The following CAPN10 variants were observed in gnomAD, a reference collection of about 807,000 sequenced individuals.
CAPN10 encodes the protein calpain-10.
In CAPN10, 71 loss-of-function variants were observed where a neutral mutation model predicts 78.4. That is an observed-to-expected ratio of 0.91 (90% CI 0.75 to 1.10). The LOEUF is 1.10. CAPN10 is among the 50% of genes least tolerant of loss of function. CAPN10 has a pLI of 0.00. For missense variants in CAPN10, 849 were observed against 924.6 expected, an observed-to-expected ratio of 0.92 and a Z score of 1.06; for synonymous variants, 437 against 407.2, an observed-to-expected ratio of 1.07 and a Z score of -0.88.
chr2:240,594,624 G>A lies in CAPN10; in HGVS notation c.912G>A (p.Glu304=), dbSNP rs200757356. The A allele has an allele frequency of 1.2e-5, 19 of 1,614,026 alleles. No individual in the cohort carries two copies. The highest frequency in any genetic ancestry group is 1.6e-5 in the Non-Finnish European group (19 of 1,179,990). Residue 304 remains glutamate, a synonymous_variant, in exon 6 of 12, where the codon GAG becomes GAA. Coordinates refer to ENST00000391984, the MANE Select transcript of CAPN10 (RefSeq NM_023083.4). ...TCCAGGAAGGGGAGTTCTGGGTGGA[G>A]GAGGAGGAGTTCCTCAGGGAGTTTG... ...SQLQEGEFWV[E]EEEFLREFDE...
intron 3 of CAPN10, 26 bp from the exon 4 acceptor site, chr2:240,591,907 A>T: frequency 2.5e-6 from 4 of 1,592,666 alleles, no homozygotes; most frequent in Non-Finnish European, 3.4e-6. Context: ...CCAGAGGCTC[A>T]CTCCCATGGT....
At chr2:240,595,570 C>G (rs1467782925) in intron 7 of CAPN10, among the ~76,000 whole-genome samples, 2 of 152,218 alleles carry the variant, frequency 1.3e-5, no homozygotes, top group Non-Finnish European at 1.5e-5. Flanking sequence ...AGGGCAGGAC[C>G]CGCAGGAGGG....
At chr2:240,590,655 C>T (rs530336616) in intron 2 of CAPN10, 160 bp from the exon 3 acceptor site, 11 of 597,024 alleles carry the variant, frequency 1.8e-5, no homozygotes, top group Admixed American at 8.8e-5. Flanking sequence ...CCAGGTGTGC[C>T]GTAGAGTTCT....
At chr2:240,595,856 C>T in intron 7 of CAPN10, 2 of 1,049,632 alleles carry the variant, frequency 1.9e-6, no homozygotes, top group Non-Finnish European at 1.3e-6. Flanking sequence ...CGCCTGAGGG[C>T]AAAGGGCCTG....
intron 11 of CAPN10, 83 bp downstream of exon 11, chr2:240,598,480 G>A: frequency 6.5e-7 from 1 of 1,527,996 alleles, no homozygotes; most frequent in Non-Finnish European, 9.1e-7. Context: ...TCAGGCAGGT[G>A]GTTTCTGCCT....
At chr2:240,591,505 C>G (rs1017424431) in intron 3 of CAPN10, 7 of 247,388 alleles carry the variant, frequency 2.8e-5, no homozygotes, top group Non-Finnish European at 5.5e-5. Flanking sequence ...TTGCCAAAGG[C>G]AACTGGACTG....
At chr2:240,595,816 T>C (rs2093133039) in intron 7 of CAPN10, 1 of 624,046 alleles carries the variant, frequency 1.6e-6, no homozygotes, top group Non-Finnish European at 2.7e-6. Context: ...GTTCACAAAG[T>C]GTGTTGTTTC....
At chr2:240,594,970 G>C (rs2093127259) in intron 6 of CAPN10, 54 bp from the exon 7 acceptor site, 1 of 1,588,198 alleles carries the variant, frequency 6.3e-7, no homozygotes, top group Non-Finnish European at 8.6e-7. Context: ...CACCATGGCG[G>C]GAGGCCAGCG....
chr2:240,588,449 C>T (rs999504230), intron 1 of CAPN10, among the ~76,000 whole-genome samples: 3 of 152,104 alleles, frequency 2.0e-5, no homozygotes, highest in African/African-American at 4.8e-5. Flanking sequence ...AAGCAGCAGG[C>T]AGTGAGGGAG....
chr2:240,592,140 C>A lies in CAPN10; in HGVS notation c.678C>A (p.Ser226Arg), dbSNP rs1286320742. 1 of 1,564,638 alleles carries A rather than the reference C, an allele frequency of 6.4e-7. No individual in the cohort carries two copies. The highest frequency in any genetic ancestry group is 1.3e-5 in the African/African-American group (1 of 74,196). ...DQCLISCCVL[S>R]PRAGARELGE... ...GTCTGATCAGCTGCTGCGTGCTCAG[C>A]CCCAGAGCAGGTGAGGCACGTGGCC... Residue 226 changes from serine (S) to arginine (R), a missense_variant, in exon 4 of 12, where the codon AGC becomes AGA. Transcript: ENST00000391984.
At chr2:240,596,625 A>G in intron 8 of CAPN10, 56 bp from the exon 9 acceptor site, 1 of 1,532,638 alleles carries the variant, frequency 6.5e-7, no homozygotes, top group Non-Finnish European at 8.8e-7. Flanking sequence ...CCATGTGGGA[A>G]CTGAGGCCAC....
intron 7 of CAPN10, among the ~76,000 whole-genome samples, chr2:240,595,639 C>T (rs2093132106): frequency 6.6e-6 from 1 of 152,196 alleles, no homozygotes; most frequent in African/African-American, 2.4e-5. Flanking sequence ...GAGGTAGAGC[C>T]AGCGGCTGAG....
In CAPN10 at chr2:240,598,783, G is replaced by A; in HGVS notation, c.*103G>A. On this transcript the variant is annotated 3_prime_UTR_variant, in exon 12 of 12. Coordinates refer to ENST00000391984, the MANE Select transcript of CAPN10 (RefSeq NM_023083.4). ...CTTGCACTGTGGGGGCTGGTCCTGA[G>A]TCTTGGCCTGCCTCCCAGCCCTGCC... is the stretch of plus-strand genomic sequence containing the variant. The A allele has an allele frequency of 8.8e-7, 1 of 1,138,568 alleles. No homozygotes were observed. Among genetic ancestry groups the A allele is most frequent in the Non-Finnish European group, 1.3e-6 (1 of 774,728 alleles). The allele number at this position is 1,138,568 out of a possible 1,614,324, so 70.5% of individuals were successfully genotyped here.
chr2:240,598,248 G>T, intron 10 of CAPN10, 104 bp from the exon 11 acceptor site: 1 of 1,466,542 alleles, frequency 6.8e-7, no homozygotes. Context: ...CTTCCTTGCT[G>T]GTCTGAGCCT....
chr2:240,592,194 C>A, intron 4 of CAPN10, 44 bp downstream of exon 4: 1 of 1,496,322 alleles, frequency 6.7e-7, no homozygotes, highest in South Asian at 1.2e-5. Context: ...CCAGCGTGCC[C>A]CCCACTGCCA....
rs2093140662 is a variant in CAPN10 at position 240,596,887 on chromosome 2, A to G, written c.1688A>G (p.Gln563Arg). 6.2e-7 allele frequency: 1 copy of G among 1,613,376 alleles called. No homozygotes were observed. Among genetic ancestry groups the G allele is most frequent in the Non-Finnish European group, 8.5e-7 (1 of 1,179,944 alleles). Residue 563 changes from glutamine to arginine, a missense_variant, in exon 9 of 12, where the codon CAG becomes CGG. Coordinates refer to ENST00000391984, the MANE Select transcript of CAPN10 (RefSeq NM_023083.4). ...GPRCVRITLH[Q>R]HCRPSDTEFH... is the part of the protein sequence containing the mutation. ...CGCTGCGTCCGCATCACTCTGCATCAGCACTGCCGGCCCAGTGACACCGAG... is the reference window on the plus strand; with the variant it reads ...CGCTGCGTCCGCATCACTCTGCATCGGCACTGCCGGCCCAGTGACACCGAG...
chr2:240,591,821 G>T (rs1048815500), intron 3 of CAPN10, 112 bp from the exon 4 acceptor site: 5 of 865,646 alleles, frequency 5.8e-6, no homozygotes, highest in Non-Finnish European at 9.1e-6. Context: ...GGAGTAAAGA[G>T]GTGGGATTGA....
At chr2:240,588,104 A>C (rs1232963255) in intron 1 of CAPN10, among the ~76,000 whole-genome samples, 2 of 152,168 alleles carry the variant, frequency 1.3e-5, no homozygotes, top group Non-Finnish European at 2.9e-5. Flanking sequence ...TGGAGGGATC[A>C]ACATGCCTTC....
intron 2 of CAPN10, chr2:240,589,755 A>C: frequency 2.6e-6 from 1 of 382,262 alleles, no homozygotes; most frequent in Non-Finnish European, 4.7e-6. Context: ...TCAGATCACC[A>C]CGTTTAGAAT....
Sources: gnomAD v4.1 joint callset for allele counts (sites outside exome capture counted in the v4.1 genomes callset) on GRCh38, gnomAD v4.1.1 for gene constraint, MANE v1.5 for transcripts, NCBI Gene and HGNC (gene_info 2026-07-23, HGNC 2026-07-21) for gene names.